IFT22: variants seen among roughly 807,000 people sequenced by gnomAD.
The protein encoded by IFT22 is intraflagellar transport 22.
A neutral mutation model predicts 21.0 loss-of-function variants in IFT22; 13 were observed. That is an observed-to-expected ratio of 0.62 (90% CI 0.40 to 0.98). IFT22 has a LOEUF of 0.98. Among genes scored for constraint, IFT22 ranks in the 50% least tolerant of loss-of-function variants. The pLI is 0.00. For synonymous variants in IFT22, 67 were observed against 82.4 expected, an observed-to-expected ratio of 0.81 and a Z score of 1.01; for missense variants, 227 against 228.9, an observed-to-expected ratio of 0.99 and a Z score of 0.06.
chr7:101,317,566 C>T (rs1351093129), intron 3 of IFT22, among the ~76,000 whole-genome samples: 1 of 152,134 alleles, frequency 6.6e-6, no homozygotes, highest in Non-Finnish European at 1.5e-5. Context: ...CTGCGCCTGG[C>T]CAAGGTTGAT....
Position 101,316,543 on chromosome 7 carries a change from C to G in IFT22, c.207-1G>C, listed in dbSNP as rs962219510. On this transcript the variant is annotated splice_acceptor_variant, in intron 3 of 4. Transcript: ENST00000315322. LOFTEE classifies it high-confidence loss of function. Reference sequence around the variant, plus strand: ...CAGGGCCGGCCAGCAGGACTCAAACCTGCGAGGAAGAAAAGGAACAACAGG... The same window carrying G: ...CAGGGCCGGCCAGCAGGACTCAAACGTGCGAGGAAGAAAAGGAACAACAGG... 2.5e-6 allele frequency: 4 copies of G among 1,613,802 alleles called. No homozygotes were observed. Among genetic ancestry groups the G allele is most frequent in the African/African-American group, 2.7e-5 (2 of 74,934 alleles).
In IFT22 at chr7:101,313,083, C is replaced by T. The variant is rs1206168250; in HGVS notation, c.*2051G>A. Among the ~76,000 whole-genome samples the T allele has an allele frequency of 3.3e-5, 5 of 152,180 alleles. No homozygotes were observed. Among genetic ancestry groups the T allele is most frequent in the Non-Finnish European group, 7.3e-5 (5 of 68,040 alleles). On this transcript the variant is annotated 3_prime_UTR_variant, in exon 5 of 5. Coordinates refer to ENST00000315322, the MANE Select transcript of IFT22 (RefSeq NM_022777.4). ...TCCTGACCTCAGGATTTCCACCCGT[C>T]TCAGACTCCCAAAGTGTTGGGATTA...
In IFT22 at chr7:101,318,120, A is replaced by G. The variant is rs1254594814; in HGVS notation, c.206+4T>C. 3 of 1,611,668 alleles carry G rather than the reference A, an allele frequency of 1.9e-6. No individual in the cohort carries two copies. The highest frequency in any genetic ancestry group is 2.2e-5 in the South Asian group (2 of 91,050). On this transcript the variant is annotated splice_donor_region_variant and intron_variant, in intron 3 of 4. Coordinates refer to ENST00000315322, the MANE Select transcript of IFT22 (RefSeq NM_022777.4). ...TGAAGTGACTTTCTTTAAAGGAAAC[A>G]TACTTAGCATCGCCACCACAGTCCC... is the stretch of plus-strand genomic sequence containing the variant.
Position 101,311,053 on chromosome 7 carries a change from G to C in IFT22, c.*4081C>G, listed in dbSNP as rs1789969503. The C allele has an allele frequency of 3.7e-6, 1 of 266,850 alleles. No homozygotes were observed. The highest frequency in any genetic ancestry group is 2.3e-5 in the African/African-American group (1 of 43,972). The allele number at this position is 266,850 out of a possible 1,614,324, so 16.5% of individuals were successfully genotyped here. A position where few individuals can be genotyped will look rare whatever the true frequency, so the allele number is the denominator to read the frequency against. ...CTGTCGCCCAGGCTGGAGTGCAGTG[G>C]CGGGACCTCGGCTCACTGCAAGCTC... On this transcript the variant is annotated 3_prime_UTR_variant, in exon 5 of 5. Transcript: ENST00000315322.
At position 101,321,770 on chromosome 7, in the gene IFT22, T is replaced by G. The variant is rs182198588; in HGVS notation, c.-61A>C. ...GGGAGGCGGCGCGTCAGGACGGAGC[T>G]CTACTTGGCCGCTTTCGTTTCCATG... On this transcript the variant is annotated 5_prime_UTR_variant, in exon 1 of 5. Coordinates refer to ENST00000315322, the MANE Select transcript of IFT22 (RefSeq NM_022777.4). The G allele has an allele frequency of 1.5e-3, 2,156 of 1,476,224 alleles. 30 individuals carry two copies. In the African/African-American group the frequency reaches 0.026, roughly 18 times the overall value. 91.4% of individuals were successfully genotyped at this position (1,476,224 alleles called of 1,614,324 possible). A position where few individuals can be genotyped will look rare whatever the true frequency, so the allele number is the denominator to read the frequency against.
Position 101,310,954 on chromosome 7 carries a change from T to TC in IFT22, c.*4179dup. 1 of 336,108 alleles carries TC rather than the reference T, an allele frequency of 3.0e-6. No individual in the cohort carries two copies. Among genetic ancestry groups the TC allele is most frequent in the Non-Finnish European group, 5.9e-6 (1 of 168,604 alleles). 20.8% of individuals were successfully genotyped at this position (336,108 alleles called of 1,614,324 possible). ...AATTCAAATATTTAATGGGTTGTAC[T>TC]CTGGCCATTCAGGTGAACAAAATCT... is the stretch of plus-strand genomic sequence containing the variant. On this transcript the variant is annotated 3_prime_UTR_variant, in exon 5 of 5. Transcript: ENST00000315322.
Position 101,311,700 on chromosome 7 carries a change from A to G in IFT22, c.*3434T>C, listed in dbSNP as rs896978405. Among the ~76,000 whole-genome samples, 3 of 152,212 alleles carry G rather than the reference A, an allele frequency of 2.0e-5. No homozygotes were observed. The highest frequency in any genetic ancestry group is 7.2e-5 in the African/African-American group (3 of 41,468). Reference sequence around the variant, plus strand: ...TTGGCTATGTTAAAAAATTACAAACATAACAATTATGAATGAAAAATAACT... The same window carrying G: ...TTGGCTATGTTAAAAAATTACAAACGTAACAATTATGAATGAAAAATAACT... On this transcript the variant is annotated 3_prime_UTR_variant, in exon 5 of 5. Coordinates refer to ENST00000315322, the MANE Select transcript of IFT22 (RefSeq NM_022777.4).
intron 3 of IFT22, 54 bp downstream of exon 3, chr7:101,318,070 G>A (rs1790214219): frequency 6.6e-7 from 1 of 1,519,222 alleles, no homozygotes; most frequent in African/African-American, 1.4e-5. Flanking sequence ...CCCTGGCTTG[G>A]GCAGCTGATT....
chr7:101,319,611 C>G (rs1790269765), intron 1 of IFT22, among the ~76,000 whole-genome samples: 1 of 150,688 alleles, frequency 6.6e-6, no homozygotes, highest in South Asian at 2.1e-4. Flanking sequence ...AGCTGTTTGT[C>G]CATCTCGATT....
At chr7:101,318,318 G>C in intron 2 of IFT22, 105 bp from the exon 3 acceptor site, 1 of 722,746 alleles carries the variant, frequency 1.4e-6, no homozygotes, top group Non-Finnish European at 2.4e-6. Flanking sequence ...TCAGGAGTTC[G>C]AGACCAGCCT....
At position 101,312,533 on chromosome 7, in the gene IFT22, GTTTTTT is replaced by G. The variant is rs386410832; in HGVS notation, c.*2595_*2600del. Reference sequence around the variant, plus strand: ...TAAATATAATGTTTTGGAGAGAGTTGTTTTTTTTTTTTTTTTTTTTGTGACGGAGTC... The same window carrying G: ...TAAATATAATGTTTTGGAGAGAGTTGTTTTTTTTTTTTTTGTGACGGAGTC... On this transcript the variant is annotated 3_prime_UTR_variant, in exon 5 of 5. Coordinates refer to ENST00000315322, the MANE Select transcript of IFT22 (RefSeq NM_022777.4). Among the ~76,000 whole-genome samples, 1 of 114,606 alleles carries G rather than the reference GTTTTTT, an allele frequency of 8.7e-6. No individual in the cohort carries two copies. The highest frequency in any genetic ancestry group is 1.7e-5 in the Non-Finnish European group (1 of 58,244). 75.2% of individuals were successfully genotyped at this position (114,606 alleles called of 152,430 possible). A position where few individuals can be genotyped will look rare whatever the true frequency, so the allele number is the denominator to read the frequency against.
At chr7:101,317,572 T>C (rs752165283) in intron 3 of IFT22, among the ~76,000 whole-genome samples, 35 of 151,888 alleles carry the variant, frequency 2.3e-4, no homozygotes, top group Non-Finnish European at 3.2e-4. Flanking sequence ...CTGGCCAAGG[T>C]TGATGACTTC....
At chr7:101,320,408 C>T (rs1790301256) in intron 1 of IFT22, among the ~76,000 whole-genome samples, 1 of 151,618 alleles carries the variant, frequency 6.6e-6, no homozygotes, top group Non-Finnish European at 1.5e-5. Flanking sequence ...TACAGGCACC[C>T]GCCACCACGC....
intron 3 of IFT22, 105 bp from the exon 4 acceptor site, chr7:101,316,647 G>T: frequency 8.8e-7 from 1 of 1,140,072 alleles, no homozygotes. Flanking sequence ...TATGACGGCT[G>T]GGCGTGGTGG....
chr7:101,317,856 C>T (rs143182508), intron 3 of IFT22, among the ~76,000 whole-genome samples: 2,149 of 152,254 alleles, frequency 0.014, 23 homozygotes, highest in Non-Finnish European at 0.022. Flanking sequence ...ACTGCAACCT[C>T]CGCCTCCAGG....
rs1790054800 is a variant in IFT22 at position 101,313,977 on chromosome 7, C to T, written c.*1157G>A. The T allele has an allele frequency of 6.6e-6, 1 of 151,964 alleles. No homozygotes were observed. The highest frequency in any genetic ancestry group is 2.1e-4 in the South Asian group (1 of 4,816). 9.4% of individuals were successfully genotyped at this position (151,964 alleles called of 1,614,324 possible). ...GCTCAAGCAATTCTTATGCCTCAGC[C>T]ACCTGAGTAGCTGGTATTACAGGCG... is the stretch of plus-strand genomic sequence containing the variant. On this transcript the variant is annotated 3_prime_UTR_variant, in exon 5 of 5. Transcript: ENST00000315322.
intron 3 of IFT22, among the ~76,000 whole-genome samples, chr7:101,317,776 G>A (rs1403461442): frequency 6.6e-6 from 1 of 151,902 alleles, no homozygotes; most frequent in African/African-American, 2.4e-5. Context: ...GAGTACAATG[G>A]TGCGATCTCA....
chr7:101,312,126 G>A lies in IFT22; in HGVS notation c.*3008C>T, dbSNP rs1001605748. On this transcript the variant is annotated 3_prime_UTR_variant, in exon 5 of 5. Coordinates refer to ENST00000315322, the MANE Select transcript of IFT22 (RefSeq NM_022777.4). ...ATTTTTTAGAGGTTGTGTATGGGCT[G>A]GGCACAATGACTCATGCCTGTAATC... 2.0e-5 allele frequency among the ~76,000 whole-genome samples: 3 copies of A among 152,020 alleles called. No individual in the cohort carries two copies. Among genetic ancestry groups the A allele is most frequent in the African/African-American group, 7.2e-5 (3 of 41,394 alleles).
chr7:101,318,655 G>T, intron 2 of IFT22: 1 of 314,740 alleles, frequency 3.2e-6, no homozygotes, highest in Non-Finnish European at 5.9e-6. Context: ...ATTTTGTTTT[G>T]AGACAGGGTC....
Sources: gnomAD v4.1 joint callset for allele counts (sites outside exome capture counted in the v4.1 genomes callset) on GRCh38, gnomAD v4.1.1 for gene constraint, MANE v1.5 for transcripts, NCBI Gene and HGNC (gene_info 2026-07-23, HGNC 2026-07-21) for gene names.